Variants in BEND6 observed in about 807,000 individuals in gnomAD.
BEND6 encodes the protein BEN domain-containing protein 6.
A neutral mutation model predicts 31.8 loss-of-function variants in BEND6; 24 were observed. The observed-to-expected ratio is 0.75, with a 90% confidence interval of 0.55 to 1.06. BEND6 has a LOEUF of 1.06. Among genes scored for constraint, BEND6 ranks in the 50% least tolerant of loss-of-function variants. BEND6 has a pLI of 0.00. For synonymous variants in BEND6, 109 were observed against 114.6 expected (o/e 0.95, Z 0.31); for missense variants, 294 against 327.4 (o/e 0.90, Z 0.79).
chr6:57,018,637 C>T, intron 6 of BEND6, 80 bp downstream of exon 6: 1 of 1,280,988 alleles, frequency 7.8e-7, no homozygotes, highest in Admixed American at 3.7e-5. Flanking sequence ...ATAGCATTTT[C>T]CAATCACTCT....
chr6:56,967,452 C>T (rs553743526), intron 1 of BEND6, among the ~76,000 whole-genome samples: 8 of 152,224 alleles, frequency 5.3e-5, no homozygotes, highest in Admixed American at 1.3e-4. Flanking sequence ...TCTCCTGACT[C>T]GCTGTCCTCC....
chr6:56,994,923 A>T (rs1435405098), intron 3 of BEND6, among the ~76,000 whole-genome samples: 1 of 152,062 alleles, frequency 6.6e-6, no homozygotes, highest in African/African-American at 2.4e-5. Flanking sequence ...CTTTCTGCCA[A>T]TTCCAAGTCT....
chr6:57,020,845 T>TG (rs201012869), intron 6 of BEND6, among the ~76,000 whole-genome samples: 7,150 of 151,520 alleles, frequency 0.047, 262 homozygotes, highest in East Asian at 0.17. Flanking sequence ...TTTTTTTTTT[T>TG]TTTTTTTTTA....
chr6:57,015,367 C>T lies in BEND6; in HGVS notation c.519+14C>T. 2 of 1,591,250 alleles carry T rather than the reference C, an allele frequency of 1.3e-6. No individual in the cohort carries two copies. The highest frequency in any genetic ancestry group is 1.7e-6 in the Non-Finnish European group (2 of 1,160,714). On this transcript the variant is annotated intron_variant, in intron 4 of 6. Coordinates refer to ENST00000370746, the MANE Select transcript of BEND6 (RefSeq NM_152731.3). Reference sequence around the variant, plus strand: ...GATGAGAAACAGGTCAGTTGTAATACCCGCCTTATTGTTCTTTGGAATATG... The same window carrying T: ...GATGAGAAACAGGTCAGTTGTAATATCCGCCTTATTGTTCTTTGGAATATG...
chr6:56,972,787 A>G (rs1408732568), intron 1 of BEND6, among the ~76,000 whole-genome samples: 1 of 152,206 alleles, frequency 6.6e-6, no homozygotes, highest in African/African-American at 2.4e-5. Context: ...AACAACAAAA[A>G]TTTGTTTCTC....
intron 1 of BEND6, among the ~76,000 whole-genome samples, chr6:56,973,542 A>C (rs1825766151): frequency 6.6e-6 from 1 of 152,246 alleles, no homozygotes; most frequent in Admixed American, 6.5e-5. Context: ...TTATAATGAT[A>C]TACTGTAATA....
intron 3 of BEND6, chr6:57,013,822 T>G: frequency 6.6e-6 from 1 of 152,240 alleles, no homozygotes; most frequent in Non-Finnish European, 1.5e-5. Flanking sequence ...CAAAACGACA[T>G]GGATCACATC....
At chr6:56,970,623 T>A (rs1440206785) in intron 1 of BEND6, among the ~76,000 whole-genome samples, 1 of 152,248 alleles carries the variant, frequency 6.6e-6, no homozygotes, top group South Asian at 2.1e-4. Flanking sequence ...ATTTTTTTAC[T>A]ACCTATCAGA....
intron 3 of BEND6, among the ~76,000 whole-genome samples, chr6:57,006,640 G>C (rs192784182): frequency 6.6e-6 from 1 of 152,290 alleles, no homozygotes; most frequent in East Asian, 1.9e-4. Context: ...AATAAATTTT[G>C]TCTTTAAAAA....
At chr6:57,004,935 C>G (rs1827099112) in intron 3 of BEND6, 1 of 522,380 alleles carries the variant, frequency 1.9e-6, no homozygotes, top group Admixed American at 3.2e-5. Flanking sequence ...GCTACATTGT[C>G]AGATTATATA....
intron 2 of BEND6, among the ~76,000 whole-genome samples, chr6:56,985,166 T>C (rs896189833): frequency 3.3e-5 from 5 of 152,218 alleles, no homozygotes; most frequent in Non-Finnish European, 5.9e-5. Context: ...CTATCCAGCA[T>C]GCCATGCCTG....
chr6:56,976,136 T>G, intron 1 of BEND6: 1 of 245,152 alleles, frequency 4.1e-6, no homozygotes, highest in South Asian at 6.2e-5. Flanking sequence ...TAATTTATTT[T>G]TTATTATCAG....
chr6:57,005,374 A>C, intron 3 of BEND6, among the ~76,000 whole-genome samples: 1 of 152,192 alleles, frequency 6.6e-6, no homozygotes, highest in East Asian at 1.9e-4. Context: ...TACAAACCTA[A>C]ATGAATAGAA....
chr6:57,000,276 A>G (rs1253969958), intron 3 of BEND6, among the ~76,000 whole-genome samples: 2 of 152,224 alleles, frequency 1.3e-5, no homozygotes, highest in Non-Finnish European at 2.9e-5. Context: ...CTGTTAATCT[A>G]TAACCTTACC....
intron 1 of BEND6, among the ~76,000 whole-genome samples, chr6:56,966,498 C>T (rs945705623): frequency 3.3e-5 from 5 of 152,128 alleles, no homozygotes; most frequent in East Asian, 3.8e-4. Context: ...GGCCCTAGAA[C>T]CACAGGAAAA....
intron 1 of BEND6, among the ~76,000 whole-genome samples, chr6:56,968,826 A>T (rs1490474035): frequency 6.6e-6 from 1 of 152,072 alleles, no homozygotes; most frequent in East Asian, 1.9e-4. Context: ...CTGTAATCCC[A>T]GCACTTTAGG....
At chr6:57,020,748 C>G (rs1827715412) in intron 6 of BEND6, among the ~76,000 whole-genome samples, 1 of 151,740 alleles carries the variant, frequency 6.6e-6, no homozygotes, top group Non-Finnish European at 1.5e-5. Context: ...GGTATGTTAC[C>G]AGACCTCCAA....
chr6:57,001,038 A>G (rs1161029459), intron 3 of BEND6, among the ~76,000 whole-genome samples: 4 of 152,064 alleles, frequency 2.6e-5, no homozygotes, highest in Admixed American at 6.5e-5. Context: ...GAAAAAAATC[A>G]TACCCACATG....
chr6:56,961,259 G>A (rs760759822), intron 1 of BEND6, among the ~76,000 whole-genome samples: 6 of 152,154 alleles, frequency 3.9e-5, no homozygotes, highest in Admixed American at 2.0e-4. Context: ...GGGACTATCC[G>A]TCCATGGTTA....
Sources: allele counts gnomAD v4.1 joint callset (sites outside exome capture counted in the v4.1 genomes callset), GRCh38; gene constraint gnomAD v4.1.1; transcripts MANE v1.5; gene names NCBI Gene and HGNC (gene_info 2026-07-23, HGNC 2026-07-21).